The following GJA1 variants were observed in gnomAD, a reference collection of about 807,000 sequenced individuals.
The protein encoded by GJA1 is gap junction alpha-1 protein.
A neutral mutation model predicts 31.0 loss-of-function variants in GJA1; 9 were observed. The ratio of observed to expected loss-of-function variants is 0.29; its 90% CI spans 0.17 to 0.51. The LOEUF (loss-of-function observed/expected upper bound fraction) is 0.51. GJA1 is among the 20% of genes least tolerant of loss of function. GJA1 has a pLI of 0.98. For synonymous variants in GJA1, 186 were observed against 180.1 expected, an observed-to-expected ratio of 1.03 and a Z score of -0.26; for missense variants, 278 against 468.8, an observed-to-expected ratio of 0.59 and a Z score of 3.76.
intron 1 of GJA1, among the ~76,000 whole-genome samples, chr6:121,436,570 G>A (rs966252388): frequency 6.6e-6 from 1 of 152,206 alleles, no homozygotes; most frequent in African/African-American, 2.4e-5. Context: ...GACCACGTTG[G>A]CAGTTTAGGA....
At chr6:121,442,047 A>G (rs922464562) in intron 1 of GJA1, among the ~76,000 whole-genome samples, 35 of 152,234 alleles carry the variant, frequency 2.3e-4, no homozygotes, top group African/African-American at 7.7e-4. Context: ...GGGAACTTCC[A>G]TAGACATTTC....
chr6:121,442,003 T>C (rs1185634967), intron 1 of GJA1, among the ~76,000 whole-genome samples: 1 of 152,180 alleles, frequency 6.6e-6, no homozygotes, highest in Admixed American at 6.5e-5. Context: ...ATGATTTCCC[T>C]TTCCTCCCAA....
intron 1 of GJA1, among the ~76,000 whole-genome samples, chr6:121,436,349 G>GA (rs1773663728): frequency 4.6e-5 from 7 of 152,130 alleles, no homozygotes. Context: ...GCTTTGCAAA[G>GA]CCAACTTCTT....
intron 1 of GJA1, among the ~76,000 whole-genome samples, chr6:121,440,022 T>A (rs1773739880): frequency 6.6e-6 from 1 of 152,184 alleles, no homozygotes; most frequent in Non-Finnish European, 1.5e-5. Context: ...AGGGTTAATA[T>A]CAACTGCTGC....
intron 1 of GJA1, among the ~76,000 whole-genome samples, chr6:121,438,909 C>T (rs537314251): frequency 4.6e-5 from 7 of 151,418 alleles, no homozygotes; most frequent in African/African-American, 1.7e-4. Context: ...CTGTGGTTAG[C>T]TCTTTTTTTT....
In GJA1 at chr6:121,448,073, T is replaced by C. The variant is rs1773921202; in HGVS notation, c.*77T>C. 13 of 1,313,198 alleles carry C rather than the reference T, an allele frequency of 9.9e-6. No individual in the cohort carries two copies. The highest frequency in any genetic ancestry group is 1.1e-5 in the Non-Finnish European group (10 of 907,750). 81.3% of individuals were successfully genotyped at this position (1,313,198 alleles called of 1,614,324 possible). On this transcript the variant is annotated 3_prime_UTR_variant, in exon 2 of 2. Transcript: ENST00000282561. ...GTGCTGTAGAAAGTGCACCAGGTGT[T>C]AATTTTGATCCGGTGGAGGTGGTAC...
At position 121,448,100 on chromosome 6, in the gene GJA1, C is replaced by G. The variant is rs967301127; in HGVS notation, c.*104C>G. 14 of 1,006,718 alleles carry G rather than the reference C, an allele frequency of 1.4e-5. No individual in the cohort carries two copies. The highest frequency in any genetic ancestry group is 1.3e-4 in the Admixed American group (7 of 54,810). 62.4% of individuals were successfully genotyped at this position (1,006,718 alleles called of 1,614,324 possible). ...ATTTTGATCCGGTGGAGGTGGTACT[C>G]AACAGCCTTATTCATGAGGCTTAGA... On this transcript the variant is annotated 3_prime_UTR_variant, in exon 2 of 2. Transcript: ENST00000282561.
chr6:121,448,113 C>T lies in GJA1; in HGVS notation c.*117C>T, dbSNP rs2114285352. On this transcript the variant is annotated 3_prime_UTR_variant, in exon 2 of 2. Coordinates refer to ENST00000282561, the MANE Select transcript of GJA1 (RefSeq NM_000165.5). ...GGAGGTGGTACTCAACAGCCTTATTCATGAGGCTTAGAAAACACAAAGACA... is the reference window on the plus strand; with the variant it reads ...GGAGGTGGTACTCAACAGCCTTATTTATGAGGCTTAGAAAACACAAAGACA... The T allele has an allele frequency of 3.3e-6, 3 of 911,344 alleles. No individual in the cohort carries two copies. The South Asian group carries it at 4.1e-5, about 12-fold the overall frequency. The allele number at this position is 911,344 out of a possible 1,614,324, so 56.5% of individuals were successfully genotyped here. A position where few individuals can be genotyped will look rare whatever the true frequency, so the allele number is the denominator to read the frequency against.
At chr6:121,437,650 T>G (rs773871356) in intron 1 of GJA1, among the ~76,000 whole-genome samples, 61 of 152,030 alleles carry the variant, frequency 4.0e-4, no homozygotes, top group Non-Finnish European at 6.2e-4. Flanking sequence ...CCAGCCAGCC[T>G]TTGCTGGGGG....
At chr6:121,440,159 G>C (rs1390566240) in intron 1 of GJA1, among the ~76,000 whole-genome samples, 4 of 151,688 alleles carry the variant, frequency 2.6e-5, no homozygotes, top group Non-Finnish European at 4.4e-5. Flanking sequence ...TGCAATCGGA[G>C]TTAGAACATC....
At chr6:121,446,537 A>G (rs1050129300) in intron 1 of GJA1, among the ~76,000 whole-genome samples, 1 of 152,214 alleles carries the variant, frequency 6.6e-6, no homozygotes, top group African/African-American at 2.4e-5. Flanking sequence ...TTCTCAAGTC[A>G]CACAGCAAGG....
chr6:121,447,444 C>T lies in GJA1; in HGVS notation c.597C>T (p.Phe199=). The change falls in exon 2 of 2, where the codon TTC becomes TTT. Residue 199 remains phenylalanine, a synonymous_variant. Coordinates refer to ENST00000282561, the MANE Select transcript of GJA1 (RefSeq NM_000165.5). ...RDPCPHQVDC[F]LSRPTEKTIF... ...CCTGCCCACATCAGGTGGACTGTTT[C>T]CTCTCTCGCCCCACGGAGAAAACCA... is the stretch of plus-strand genomic sequence containing the variant. 1 of 1,614,038 alleles carries T rather than the reference C, an allele frequency of 6.2e-7. No individual in the cohort carries two copies. Among genetic ancestry groups the T allele is most frequent in the Middle Eastern group, 1.6e-4 (1 of 6,062 alleles).
rs1333535680 is a variant in GJA1 at position 121,448,002 on chromosome 6, G to A, written c.*6G>A. On this transcript the variant is annotated 3_prime_UTR_variant, in exon 2 of 2. Coordinates refer to ENST00000282561, the MANE Select transcript of GJA1 (RefSeq NM_000165.5). ...CTGATGACCTGGAGATCTAGATACA[G>A]GCTTGAAAGCATCAAGATTCCACTC... The A allele has an allele frequency of 6.2e-7, 1 of 1,608,472 alleles. No individual in the cohort carries two copies. Among genetic ancestry groups the A allele is most frequent in the Non-Finnish European group, 8.5e-7 (1 of 1,175,060 alleles).
At position 121,448,571 on chromosome 6, in the gene GJA1, G is replaced by A. The variant is rs1000066531; in HGVS notation, c.*575G>A. 5.9e-6 allele frequency: 1 copy of A among 170,184 alleles called. No individual in the cohort carries two copies. The highest frequency in any genetic ancestry group is 2.4e-5 in the African/African-American group (1 of 41,378). The allele number at this position is 170,184 out of a possible 1,614,324, so 10.5% of individuals were successfully genotyped here. ...GTGCTACTATATTTTTTTATTCTTG[G>A]TATCAGTTTAAAATTCAGACAAGGC... On this transcript the variant is annotated 3_prime_UTR_variant, in exon 2 of 2. Coordinates refer to ENST00000282561, the MANE Select transcript of GJA1 (RefSeq NM_000165.5).
chr6:121,443,491 A>T (rs1197815580), intron 1 of GJA1, among the ~76,000 whole-genome samples: 1 of 152,194 alleles, frequency 6.6e-6, no homozygotes, highest in Non-Finnish European at 1.5e-5. Context: ...TAGAGTATTA[A>T]AAAAGAACTA....
chr6:121,446,447 T>G lies in GJA1; in HGVS notation c.-16-385T>G, dbSNP rs186690785. Among the ~76,000 whole-genome samples the G allele has an allele frequency of 3.3e-5, 5 of 152,338 alleles. No homozygotes were observed. In the East Asian group the frequency reaches 9.6e-4, roughly 29 times the overall value. ...GAATAACACACATCAGGATTTTGCT[T>G]AGCAAACACAGATCTACCAGGCAAA... is the stretch of plus-strand genomic sequence containing the variant. On this transcript the variant is annotated intron_variant, in intron 1 of 1. Transcript: ENST00000282561.
chr6:121,442,760 C>G (rs547630991), intron 1 of GJA1, among the ~76,000 whole-genome samples: 1 of 152,188 alleles, frequency 6.6e-6, no homozygotes, highest in South Asian at 2.1e-4. Context: ...GCCAGAGGAG[C>G]CTCAGGCTGG....
intron 1 of GJA1, among the ~76,000 whole-genome samples, chr6:121,445,622 C>G (rs2114281106): frequency 6.6e-6 from 1 of 152,244 alleles, no homozygotes; most frequent in South Asian, 2.1e-4. Flanking sequence ...AGAAAACACC[C>G]TGAAGTAGGT....
In GJA1 at chr6:121,438,529, T is replaced by TATATAAA. The variant is rs533634364; in HGVS notation, c.-17+2697_-17+2698insATATAAA. Among the ~76,000 whole-genome samples the TATATAAA allele has an allele frequency of 2.9e-3, 435 of 152,280 alleles. 2 individuals carry two copies. Among genetic ancestry groups the TATATAAA allele is most frequent in the African/African-American group, 9.9e-3 (410 of 41,568 alleles). On this transcript the variant is annotated intron_variant, in intron 1 of 1. Coordinates refer to ENST00000282561, the MANE Select transcript of GJA1 (RefSeq NM_000165.5). ...TTTCTCTACATCCAGGGGTGTAGCT[T>TATATAAA]GGTTTGAGCCTTTATATATGATACC...
Sources: gnomAD v4.1 joint callset for allele counts (sites outside exome capture counted in the v4.1 genomes callset) on GRCh38, gnomAD v4.1.1 for gene constraint, MANE v1.5 for transcripts, NCBI Gene and HGNC (gene_info 2026-07-23, HGNC 2026-07-21) for gene names.